Variants in ARFGEF1 observed in about 807,000 individuals in gnomAD.
ARFGEF1 encodes brefeldin A-inhibited guanine nucleotide-exchange protein 1.
ARFGEF1 carries 42 observed loss-of-function variants against 231.0 expected under a neutral mutation model. The ratio of observed to expected loss-of-function variants is 0.18; its 90% CI spans 0.14 to 0.24. ARFGEF1 has a LOEUF of 0.24. Among genes scored for constraint, ARFGEF1 ranks in the 10% least tolerant of loss-of-function variants. The pLI, the probability that ARFGEF1 is intolerant of heterozygous loss-of-function variation, is 1.00. For missense variants in ARFGEF1, 1,345 were observed against 2,192.0 expected (o/e 0.61, Z 7.72); for synonymous variants, 710 against 732.3 (o/e 0.97, Z 0.49).
In ARFGEF1 at chr8:67,292,067, T is replaced by C. The variant is rs774615749; in HGVS notation, c.696A>G (p.Leu232=). 10 of 1,613,802 alleles carry C rather than the reference T, an allele frequency of 6.2e-6. No homozygotes were observed. Among genetic ancestry groups the C allele is most frequent in the Middle Eastern group, 3.3e-4 (2 of 6,084 alleles). ...GCTCGTGATGGCTTACTGGAGACTGTAACAGATGATGATGCTGCCGATGCC... is the reference window on the plus strand; with the variant it reads ...GCTCGTGATGGCTTACTGGAGACTGCAACAGATGATGATGCTGCCGATGCC... ...KERHRQHHHL[L]QSPVSHHEPE... Residue 232 remains leucine, a synonymous_variant, in exon 6 of 39, where the codon TTA becomes TTG. Transcript: ENST00000262215.
chr8:67,200,152 T>C (rs1456749852), intron 38 of ARFGEF1: 1 of 514,482 alleles, frequency 1.9e-6, no homozygotes, highest in South Asian at 1.6e-5. Flanking sequence ...CAAGGGATTC[T>C]GATCCCTCGC....
chr8:67,316,521 C>T (rs1393994037), intron 1 of ARFGEF1, among the ~76,000 whole-genome samples: 5 of 151,362 alleles, frequency 3.3e-5, no homozygotes, highest in Admixed American at 2.0e-4. Flanking sequence ...AGTGCAGTGG[C>T]GCAATCACAG....
rs2128893622 is a variant in ARFGEF1, at chr8:67,265,981, T to C, written c.2123+25A>G. On this transcript the variant is annotated intron_variant, in intron 14 of 38. Transcript: ENST00000262215. ...ACTGGCAGAGAGATATTCAATAACA[T>C]TTCTCCTTAAGCTATGACACTTACA... The C allele has an allele frequency of 3.1e-6, 5 of 1,609,212 alleles. No homozygotes were observed. In the East Asian group the frequency reaches 1.1e-4, roughly 36 times the overall value.
chr8:67,304,016 A>G, intron 1 of ARFGEF1, among the ~76,000 whole-genome samples: 1 of 152,172 alleles, frequency 6.6e-6, no homozygotes. Context: ...TCAGGTTTCA[A>G]TATTAGGTAA....
chr8:67,310,329 C>T (rs1206085960), intron 1 of ARFGEF1, among the ~76,000 whole-genome samples: 2 of 152,230 alleles, frequency 1.3e-5, no homozygotes, highest in Admixed American at 1.3e-4. Flanking sequence ...CAGCCCTTAA[C>T]CGCGAGTGAT....
chr8:67,181,927 T>C (rs1833156142), intron 5 of ARFGEF1, among the ~76,000 whole-genome samples: 2 of 152,226 alleles, frequency 1.3e-5, no homozygotes, highest in African/African-American at 4.8e-5. Context: ...ATACAGTATC[T>C]ATCCTTTGAT....
At chr8:67,182,379 A>G (rs993589341) in intron 5 of ARFGEF1, among the ~76,000 whole-genome samples, 1 of 152,038 alleles carries the variant, frequency 6.6e-6, no homozygotes, top group African/African-American at 2.4e-5. Context: ...TTGTTTATCC[A>G]ATCATCTGTC....
At position 67,236,991 on chromosome 8, in the gene ARFGEF1, TTTTA is replaced by T. The variant is rs989255752; in HGVS notation, c.3289+1348_3289+1351del. On this transcript the variant is annotated intron_variant, in intron 22 of 38. Transcript: ENST00000262215. ...ACTTCTAGAAGATATCCCACTGGTGTTTTATTTTTAGTGTAACCTAATTCTGTAG... is the reference window on the plus strand; with the variant it reads ...ACTTCTAGAAGATATCCCACTGGTGTTTTTTAGTGTAACCTAATTCTGTAG... Among the ~76,000 whole-genome samples the T allele has an allele frequency of 8.5e-5, 13 of 152,308 alleles. No individual in the cohort carries two copies. In the Middle Eastern group the frequency reaches 0.01, roughly 120 times the overall value.
chr8:67,272,137 T>C (rs899192922), intron 9 of ARFGEF1, among the ~76,000 whole-genome samples: 7 of 152,182 alleles, frequency 4.6e-5, no homozygotes, highest in Non-Finnish European at 8.8e-5. Flanking sequence ...TTCACTGATG[T>C]TCCCCTGAAC....
chr8:67,203,872 C>G (rs1563834147), intron 35 of ARFGEF1, among the ~76,000 whole-genome samples: 3 of 152,168 alleles, frequency 2.0e-5, no homozygotes, highest in African/African-American at 4.8e-5. Context: ...CACAACCCAT[C>G]CCCCAGCCCT....
chr8:67,277,506 A>C (rs1470020034), intron 7 of ARFGEF1, 49 bp from the exon 8 acceptor site: 1 of 1,542,068 alleles, frequency 6.5e-7, no homozygotes, highest in Non-Finnish European at 8.8e-7. Flanking sequence ...ACTTAACCGA[A>C]GTGTATTTAA....
At position 67,253,539 on chromosome 8, in the gene ARFGEF1, T is replaced by G; in HGVS notation, c.2610A>C (p.Leu870=). 3 of 1,583,954 alleles carry G rather than the reference T, an allele frequency of 1.9e-6. No homozygotes were observed. The highest frequency in any genetic ancestry group is 2.6e-6 in the Non-Finnish European group (3 of 1,153,528). The change falls in exon 18 of 39, where the codon CTA becomes CTC. Residue 870 remains leucine, a synonymous_variant. Coordinates refer to ENST00000262215, the MANE Select transcript of ARFGEF1 (RefSeq NM_006421.5). ...NDSKDLPEEY[L]SAIYNEIAGK... is the part of the protein sequence containing the mutation. ...CAGCTATTTCATTATAGATGGCTGA[T>G]AGATACTCTTCAGGAAGGTCTTTAC... is the stretch of plus-strand genomic sequence containing the variant.
chr8:67,175,279 C>T (rs1831336794), downstream of ARFGEF1: 3 of 1,587,208 alleles, frequency 1.9e-6, no homozygotes, highest in Non-Finnish European at 2.6e-6. Flanking sequence ...AGTTATATAA[C>T]ATATTTTTTA....
In ARFGEF1 at chr8:67,240,224, C is replaced by T; in HGVS notation, c.2917G>A (p.Ala973Thr). The change falls in exon 20 of 39, where the codon GCC (alanine) becomes ACC (threonine). Residue 973 changes from alanine to threonine, a missense_variant. Physicochemically the swap from Ala to Thr is moderately conservative, Grantham distance 58. Around this residue, in one of 14 missense-constraint regions of ARFGEF1, gnomAD observed 146 missense variants for 321.4 expected, o/e 0.45. Transcript: ENST00000262215. ...GLQDCDDTEVASLCLEGIRCA... is the reference protein window; with the variant it reads ...GLQDCDDTEVTSLCLEGIRCA... Reference sequence around the variant, plus strand: ...CTTATACCTTCCAGGCAAAGAGAGGCTACTTCAGTATCATCACAATCTTGT... The same window carrying T: ...CTTATACCTTCCAGGCAAAGAGAGGTTACTTCAGTATCATCACAATCTTGT... The T allele has an allele frequency of 6.2e-7, 1 of 1,613,248 alleles. No homozygotes were observed. Among genetic ancestry groups the T allele is most frequent in the Non-Finnish European group, 8.5e-7 (1 of 1,179,698 alleles).
chr8:67,320,879 T>C (rs1807557866), intron 1 of ARFGEF1, among the ~76,000 whole-genome samples: 1 of 152,040 alleles, frequency 6.6e-6, no homozygotes. Flanking sequence ...GAGAATTGCT[T>C]GAACCCAGGA....
chr8:67,235,098 G>A (rs1244006288), intron 22 of ARFGEF1, among the ~76,000 whole-genome samples: 1 of 127,112 alleles, frequency 7.9e-6, no homozygotes, highest in Non-Finnish European at 1.6e-5. Context: ...GTGTGTGTGT[G>A]TGTATATATA....
chr8:67,306,950 TG>T (rs1806775027), intron 1 of ARFGEF1, among the ~76,000 whole-genome samples: 1 of 152,208 alleles, frequency 6.6e-6, no homozygotes, highest in African/African-American at 2.4e-5. Context: ...AGCTAATTTT[TG>T]TATTTTTAGT....
chr8:67,341,307 G>A (rs1027299001), intron 1 of ARFGEF1, among the ~76,000 whole-genome samples: 1 of 151,736 alleles, frequency 6.6e-6, no homozygotes, highest in Non-Finnish European at 1.5e-5. Context: ...AAAAATTAAG[G>A]CCAGGAGAGG....
intron 1 of ARFGEF1, among the ~76,000 whole-genome samples, chr8:67,333,504 C>T (rs1452883346): frequency 1.3e-5 from 2 of 151,646 alleles, no homozygotes; most frequent in African/African-American, 2.4e-5. Flanking sequence ...TGTAGACACA[C>T]GGTTTAGCCA....
Sources: allele counts gnomAD v4.1 joint callset (sites outside exome capture counted in the v4.1 genomes callset), GRCh38; gene constraint gnomAD v4.1.1; regional missense constraint gnomAD v4.1.1; transcripts MANE v1.5; gene names NCBI Gene and HGNC (gene_info 2026-07-23, HGNC 2026-07-21).